DEUP1: variants seen among roughly 807,000 people sequenced by gnomAD.
DEUP1 encodes the protein deuterosome assembly protein 1.
DEUP1 carries 82 observed loss-of-function variants against 87.4 expected under a neutral mutation model. That is an observed-to-expected ratio of 0.94 (90% CI 0.78 to 1.13). The LOEUF is 1.13. DEUP1 is among the 50% of genes most tolerant of loss of function. DEUP1 has a pLI of 0.00. For synonymous variants in DEUP1, 214 were observed against 222.7 expected (o/e 0.96, Z 0.35); for missense variants, 663 against 681.5 (o/e 0.97, Z 0.30).
chr11:93,357,170 C>T, intron 4 of DEUP1, 127 bp downstream of exon 4: 2 of 620,124 alleles, frequency 3.2e-6, no homozygotes, highest in South Asian at 2.2e-5. Context: ...TAAGCTTGGT[C>T]ATGTCTTTCC....
At position 93,371,210 on chromosome 11, in the gene DEUP1, G is replaced by A. The variant is rs756720462; in HGVS notation, c.719G>A (p.Ser240Asn). Residue 240 changes from serine to asparagine, a missense_variant, in exon 7 of 14, where the codon AGC (serine) becomes AAC (asparagine). Physicochemically the swap from Ser to Asn is conservative, Grantham distance 46. Coordinates refer to ENST00000298050, the MANE Select transcript of DEUP1 (RefSeq NM_181645.4). ...TCAGCTGTAAATGAGATAGCACTAA[G>A]CAGGAATAAATTACAAGATGAAAAT... ...LKSAVNEIALSRNKLQDENQK... is the reference protein window; with the variant it reads ...LKSAVNEIALNRNKLQDENQK... The A allele has an allele frequency of 1.1e-5, 18 of 1,613,034 alleles. No homozygotes were observed. The highest frequency in any genetic ancestry group is 3.3e-5 in the Admixed American group (2 of 59,908).
At chr11:93,365,429 C>T (rs1945365927) in intron 5 of DEUP1, among the ~76,000 whole-genome samples, 1 of 152,112 alleles carries the variant, frequency 6.6e-6, no homozygotes, top group East Asian at 1.9e-4. Flanking sequence ...AGACGGGCTT[C>T]AGAAATATCC....
Position 93,437,749 on chromosome 11 carries a change from CCCCACCCCCG to C in DEUP1, c.*33_*42del. 9.3e-7 allele frequency: 1 copy of C among 1,070,692 alleles called. No individual in the cohort carries two copies. Among genetic ancestry groups the C allele is most frequent in the Non-Finnish European group, 1.3e-6 (1 of 746,866 alleles). 66.3% of individuals were successfully genotyped at this position (1,070,692 alleles called of 1,614,324 possible). ...TTAAACTTTTTTATTTGCTTCCCCC[CCCCACCCCCG>C]CCAAGAAAAAAAGCTCTGGCAAAAT... On this transcript the variant is annotated 3_prime_UTR_variant, in exon 14 of 14. Coordinates refer to ENST00000298050, the MANE Select transcript of DEUP1 (RefSeq NM_181645.4).
intron 2 of DEUP1, among the ~76,000 whole-genome samples, chr11:93,354,109 TC>T (rs901035503): frequency 1.3e-5 from 2 of 152,224 alleles, no homozygotes; most frequent in African/African-American, 4.8e-5. Flanking sequence ...AGCACCCAAG[TC>T]ACCTCTTGAA....
intron 12 of DEUP1, among the ~76,000 whole-genome samples, chr11:93,409,150 C>T (rs79542760): frequency 0.012 from 1,865 of 152,314 alleles, 18 homozygotes; most frequent in Non-Finnish European, 0.018. Context: ...AGCCACCACA[C>T]CCAGCCAATA....
chr11:93,398,399 T>C (rs1039488984), intron 11 of DEUP1, among the ~76,000 whole-genome samples: 3 of 152,210 alleles, frequency 2.0e-5, no homozygotes, highest in Non-Finnish European at 4.4e-5. Context: ...ACTTACACCT[T>C]GGAATAGCTT....
intron 13 of DEUP1, among the ~76,000 whole-genome samples, chr11:93,436,903 A>T (rs1948262763): frequency 1.3e-5 from 2 of 152,014 alleles, no homozygotes; most frequent in Non-Finnish European, 1.5e-5. Flanking sequence ...ATTTTTTTTT[A>T]AATAAGCACT....
At chr11:93,346,110 G>A (rs1179921247) in intron 2 of DEUP1, among the ~76,000 whole-genome samples, 4 of 152,180 alleles carry the variant, frequency 2.6e-5, no homozygotes, top group African/African-American at 9.7e-5. Flanking sequence ...TATTGAATAA[G>A]GAGTTTTTCC....
chr11:93,364,081 C>T, intron 4 of DEUP1, 79 bp from the exon 5 acceptor site: 1 of 1,073,150 alleles, frequency 9.3e-7, no homozygotes, highest in Non-Finnish European at 1.3e-6. Context: ...CAAAGAGGTA[C>T]ACAGGAAAAG....
chr11:93,382,742 G>A (rs984701455), intron 7 of DEUP1, among the ~76,000 whole-genome samples: 2 of 152,080 alleles, frequency 1.3e-5, no homozygotes, highest in Admixed American at 6.6e-5. Context: ...TCTTCAACTG[G>A]GCAAAGTTAT....
chr11:93,428,551 A>T (rs113244097), intron 13 of DEUP1, among the ~76,000 whole-genome samples: 41 of 152,200 alleles, frequency 2.7e-4, no homozygotes, highest in African/African-American at 9.4e-4. Context: ...CATATGTAAC[A>T]AACCTGCACA....
intron 2 of DEUP1, among the ~76,000 whole-genome samples, chr11:93,344,862 CT>C (rs1035221872): frequency 2.5e-4 from 35 of 142,300 alleles, no homozygotes; most frequent in Middle Eastern, 3.6e-3. Context: ...TTTTTTTTAA[CT>C]TTTTTTTTTT....
At chr11:93,412,556 T>C (rs1253035012) in intron 12 of DEUP1, among the ~76,000 whole-genome samples, 2 of 152,188 alleles carry the variant, frequency 1.3e-5, no homozygotes, top group African/African-American at 4.8e-5. Flanking sequence ...CCTATATAAA[T>C]GTTAGTAATT....
At chr11:93,420,135 C>T (rs1296978761) in intron 13 of DEUP1, among the ~76,000 whole-genome samples, 1 of 152,192 alleles carries the variant, frequency 6.6e-6, no homozygotes, top group Non-Finnish European at 1.5e-5. Flanking sequence ...AGACCAATAT[C>T]CTTGATGAAC....
intron 2 of DEUP1, among the ~76,000 whole-genome samples, chr11:93,333,900 A>T (rs904425031): frequency 6.6e-6 from 1 of 152,194 alleles, no homozygotes; most frequent in Non-Finnish European, 1.5e-5. Context: ...TGATAGCACT[A>T]AGAGCTAAGA....
At chr11:93,334,499 A>G (rs1443733216) in intron 2 of DEUP1, among the ~76,000 whole-genome samples, 1 of 151,232 alleles carries the variant, frequency 6.6e-6, no homozygotes, top group Non-Finnish European at 1.5e-5. Context: ...TATGAAGAAA[A>G]ATAAAGCAGG....
chr11:93,385,826 A>G (rs1946516984), intron 8 of DEUP1, among the ~76,000 whole-genome samples: 1 of 152,114 alleles, frequency 6.6e-6, no homozygotes, highest in African/African-American at 2.4e-5. Context: ...CCGAGGTGGG[A>G]GGACAATTTG....
At chr11:93,363,322 A>G (rs1406856565) in intron 4 of DEUP1, among the ~76,000 whole-genome samples, 1 of 151,866 alleles carries the variant, frequency 6.6e-6, no homozygotes. Flanking sequence ...AGATAAATCT[A>G]TATATGTGAT....
chr11:93,416,487 T>C (rs1422358797), intron 13 of DEUP1, among the ~76,000 whole-genome samples: 2 of 152,030 alleles, frequency 1.3e-5, no homozygotes, highest in African/African-American at 4.8e-5. Flanking sequence ...AGGAAGAAGT[T>C]GAATCTCTGA....
Sources: allele counts gnomAD v4.1 joint callset (sites outside exome capture counted in the v4.1 genomes callset), GRCh38; gene constraint gnomAD v4.1.1; transcripts MANE v1.5; gene names NCBI Gene and HGNC (gene_info 2026-07-23, HGNC 2026-07-21).